LOXHD1: variants seen among roughly 807,000 people sequenced by gnomAD.
LOXHD1 encodes the protein lipoxygenase homology PLAT domains 1.
A neutral mutation model predicts 248.2 loss-of-function variants in LOXHD1; 205 were observed. That is an observed-to-expected ratio of 0.83 (90% CI 0.74 to 0.93). The LOEUF is 0.93. LOXHD1 is among the 40% of genes least tolerant of loss of function. The pLI, the probability that LOXHD1 is intolerant of heterozygous loss-of-function variation, is 0.00. For missense variants in LOXHD1, 2,930 were observed against 2,971.6 expected (o/e 0.99, Z 0.33); for synonymous variants, 1,113 against 1,162.8 (o/e 0.96, Z 0.87).
downstream of LOXHD1, chr18:46,477,234 A>C: frequency 1.4e-6 from 1 of 738,420 alleles, no homozygotes; most frequent in Non-Finnish European, 2.5e-6. Flanking sequence ...TTATTACAGA[A>C]AAAGGAAATA....
chr18:46,510,283 T>C (rs375220906), intron 34 of LOXHD1, among the ~76,000 whole-genome samples: 1 of 152,262 alleles, frequency 6.6e-6, no homozygotes, highest in East Asian at 1.9e-4. Flanking sequence ...TGGGGCAGGC[T>C]GTGCACTGCA....
At chr18:46,546,827 G>C in intron 22 of LOXHD1, 68 bp downstream of exon 22, 1 of 1,486,478 alleles carries the variant, frequency 6.7e-7, no homozygotes, top group Non-Finnish European at 9.1e-7. Context: ...GGAAGATGGA[G>C]ACTTAGGGTT....
At position 46,545,339 on chromosome 18, in the gene LOXHD1, G is replaced by C. The variant is rs886053829; in HGVS notation, c.3597C>G (p.Leu1199=). 1.9e-6 allele frequency: 3 copies of C among 1,551,588 alleles called. No individual in the cohort carries two copies. The highest frequency in any genetic ancestry group is 2.4e-5 in the East Asian group (1 of 40,934). The change falls in exon 23 of 41, where the codon CTC becomes CTG. Residue 1199 remains leucine (L), a synonymous_variant. Coordinates refer to ENST00000642948, the MANE Select transcript of LOXHD1 (RefSeq NM_001384474.1). ...AGTDANVFIT[L]FGTQDDTGMT... ...TACCAGTGTCATCCTGTGTGCCAAAGAGTGTGATGAAGACATTAGCATCTG... is the reference window on the plus strand; with the variant it reads ...TACCAGTGTCATCCTGTGTGCCAAACAGTGTGATGAAGACATTAGCATCTG...
chr18:46,521,038 C>T, intron 33 of LOXHD1, 59 bp downstream of exon 33: 1 of 1,519,454 alleles, frequency 6.6e-7, no homozygotes, highest in Non-Finnish European at 8.9e-7. Context: ...CCCTGCTGCT[C>T]CCCACCTCAA....
chr18:46,597,672 T>G (rs2038277604), intron 8 of LOXHD1, among the ~76,000 whole-genome samples: 1 of 151,994 alleles, frequency 6.6e-6, no homozygotes, highest in Non-Finnish European at 1.5e-5. Context: ...AGGACATACT[T>G]CTCATTTCAC....
intron 26 of LOXHD1, among the ~76,000 whole-genome samples, chr18:46,535,581 TTTGTTGTTGTTGTTG>T (rs59194307): frequency 7.8e-6 from 1 of 128,838 alleles, no homozygotes; most frequent in Non-Finnish European, 1.7e-5. Context: ...TGCCTCTGTT[TTTGTTGTTGTTGTTG>T]TTGTTGTTGT....
At position 46,522,311 on chromosome 18, in the gene LOXHD1, T is replaced by C. The variant is rs543845504; in HGVS notation, c.4877-2A>G. On this transcript the variant is annotated splice_acceptor_variant, in intron 31 of 40. Transcript: ENST00000642948. LOFTEE classifies it high-confidence loss of function. ...TGACTGACACATAGTAGGGAATAAC[T>C]GCAAGAGATCACGGGGCTCAGGTTC... The C allele has an allele frequency of 6.4e-7, 1 of 1,551,348 alleles. No homozygotes were observed. Among genetic ancestry groups the C allele is most frequent in the Non-Finnish European group, 8.7e-7 (1 of 1,146,698 alleles).
At chr18:46,506,159 G>T in intron 36 of LOXHD1, 136 bp from the exon 37 acceptor site, 1 of 882,582 alleles carries the variant, frequency 1.1e-6, no homozygotes. Flanking sequence ...AAGGCCAGGG[G>T]TGAGGTTGGA....
intron 20 of LOXHD1, chr18:46,557,827 G>C (rs1389667914): frequency 6.2e-6 from 8 of 1,280,312 alleles, no homozygotes; most frequent in Non-Finnish European, 8.1e-6. Flanking sequence ...CAAGAGAGGG[G>C]GGTGCACTGA....
intron 4 of LOXHD1, among the ~76,000 whole-genome samples, chr18:46,637,043 G>C (rs1233550961): frequency 6.6e-6 from 1 of 152,212 alleles, no homozygotes; most frequent in East Asian, 1.9e-4. Context: ...CTACTCAGGA[G>C]GCTGAGGCAA....
chr18:46,484,122 G>A (rs1369621006), intron 39 of LOXHD1, among the ~76,000 whole-genome samples: 1 of 152,064 alleles, frequency 6.6e-6, no homozygotes, highest in Non-Finnish European at 1.5e-5. Context: ...GATATTTCTG[G>A]GGGAATGCTG....
chr18:46,592,777 A>C (rs1259467494), intron 10 of LOXHD1, among the ~76,000 whole-genome samples, 193 bp from the exon 11 acceptor site: 1 of 152,182 alleles, frequency 6.6e-6, no homozygotes, highest in African/African-American at 2.4e-5. Flanking sequence ...CGTGAGGGCA[A>C]GACAGCCACA....
chr18:46,550,579 C>CAAAAAAAAAAA lies in LOXHD1; in HGVS notation c.3351-3532_3351-3522dup, dbSNP rs754046200. On this transcript the variant is annotated intron_variant, in intron 21 of 40. Transcript: ENST00000642948. ...TGGGCGACAGAGCGAGACTCCGTCTCAAAAAAAAAAAAAAAAAAAAAAGAG... is the reference window on the plus strand; with the variant it reads ...TGGGCGACAGAGCGAGACTCCGTCTCAAAAAAAAAAAAAAAAAAAAAAAAAAAAAAAAAGAG... 6.1e-3 allele frequency among the ~76,000 whole-genome samples: 279 copies of CAAAAAAAAAAA among 45,416 alleles called. 31 individuals are homozygous for CAAAAAAAAAAA. The highest frequency in any genetic ancestry group is 7.6e-3 in the Non-Finnish European group (181 of 23,730). The allele number at this position is 45,416 out of a possible 152,430, so 29.8% of individuals were successfully genotyped here.
In LOXHD1 at chr18:46,618,203, T is replaced by C. The variant is rs1568219135; in HGVS notation, c.599A>G (p.Tyr200Cys). The change falls in exon 5 of 41, where the codon TAT (tyrosine) becomes TGT (cysteine). Residue 200 changes from tyrosine (Y) to cysteine (C), a missense_variant. Tyr to Cys is a radical substitution (Grantham distance 194). Coordinates refer to ENST00000642948, the MANE Select transcript of LOXHD1 (RefSeq NM_001384474.1). Reference protein sequence around the residue: ...ADVFINIFGEYGDTGERRLEN... With the variant: ...ADVFINIFGECGDTGERRLEN... ...TTCAAACCCATTACCTGTGTCTCCA[T>C]ACTCTCCAAAAATATTGATGAAGAC... 2.6e-6 allele frequency: 4 copies of C among 1,550,988 alleles called. No homozygotes were observed. Among genetic ancestry groups the C allele is most frequent in the African/African-American group, 2.7e-5 (2 of 73,136 alleles).
chr18:46,547,203 C>A, intron 21 of LOXHD1, 145 bp from the exon 22 acceptor site: 1 of 951,220 alleles, frequency 1.1e-6, no homozygotes, highest in Non-Finnish European at 1.6e-6. Flanking sequence ...GCTATTCTAC[C>A]CAGCCTGGGA....
intron 36 of LOXHD1, among the ~76,000 whole-genome samples, 192 bp from the exon 37 acceptor site, chr18:46,506,215 A>G (rs1453943362): frequency 6.6e-6 from 1 of 152,182 alleles, no homozygotes; most frequent in African/African-American, 2.4e-5. Flanking sequence ...TCTTCATCTT[A>G]TCTTTGTGCC....
At chr18:46,514,204 T>C (rs1011824600) in intron 34 of LOXHD1, among the ~76,000 whole-genome samples, 1 of 152,198 alleles carries the variant, frequency 6.6e-6, no homozygotes, top group Non-Finnish European at 1.5e-5. Context: ...CTAGTACATA[T>C]CTGCCAGTCT....
chr18:46,612,931 T>A lies in LOXHD1; in HGVS notation c.611-2007A>T, dbSNP rs115180640. Among the ~76,000 whole-genome samples the A allele has an allele frequency of 6.6e-3, 1,010 of 152,268 alleles. 10 individuals are homozygous for A. Among genetic ancestry groups the A allele is most frequent in the African/African-American group, 0.023 (964 of 41,578 alleles). On this transcript the variant is annotated intron_variant, in intron 5 of 40. Coordinates refer to ENST00000642948, the MANE Select transcript of LOXHD1 (RefSeq NM_001384474.1). ...TAGACTCTTTATTCTGTTTCATTGC[T>A]TTATTTTGTTTATCCATCTAGCAAT... is the stretch of plus-strand genomic sequence containing the variant.
At chr18:46,601,099 T>C (rs2038329845) in intron 8 of LOXHD1, 118 bp downstream of exon 8, 1 of 1,315,624 alleles carries the variant, frequency 7.6e-7, no homozygotes. Flanking sequence ...ATGAAAGAGA[T>C]TGCCCATGCA....
Sources: allele counts gnomAD v4.1 joint callset (sites outside exome capture counted in the v4.1 genomes callset), GRCh38; gene constraint gnomAD v4.1.1; transcripts MANE v1.5; gene names NCBI Gene and HGNC (gene_info 2026-07-23, HGNC 2026-07-21).